The following HELZ variants were observed in gnomAD, a reference collection of about 807,000 sequenced individuals.
HELZ encodes the protein helicase with zinc finger, also known as ATP-dependent RNA helicase with zinc finger domain.
In HELZ, 23 loss-of-function variants were observed where a neutral mutation model predicts 218.2. The ratio of observed to expected loss-of-function variants is 0.11; its 90% CI spans 0.08 to 0.15. The LOEUF (loss-of-function observed/expected upper bound fraction) is 0.15. Ranked by LOEUF, HELZ falls within the 10% of genes least tolerant of loss-of-function variation. The pLI, the probability that HELZ is intolerant of heterozygous loss-of-function variation, is 1.00. For missense variants in HELZ, 1,813 were observed against 2,353.7 expected (o/e 0.77, Z 4.75); for synonymous variants, 814 against 829.4 (o/e 0.98, Z 0.32).
Position 67,077,668 on chromosome 17 carries a change from A to G in HELZ, c.*584T>C, listed in dbSNP as rs1326483143. ...TGGTGGATGGAGATTACAACAACACATCATACATAGTCTAAAACTATAAAA... is the reference window on the plus strand; with the variant it reads ...TGGTGGATGGAGATTACAACAACACGTCATACATAGTCTAAAACTATAAAA... On this transcript the variant is annotated 3_prime_UTR_variant, in exon 33 of 33. Coordinates refer to ENST00000358691, the MANE Select transcript of HELZ (RefSeq NM_014877.4). 1.3e-5 allele frequency: 2 copies of G among 151,788 alleles called. No individual in the cohort carries two copies. Among genetic ancestry groups the G allele is most frequent in the Non-Finnish European group, 2.9e-5 (2 of 67,966 alleles). The allele number at this position is 151,788 out of a possible 1,614,324, so 9.4% of individuals were successfully genotyped here.
chr17:67,098,015 A>T (rs2036801814), intron 31 of HELZ, among the ~76,000 whole-genome samples: 1 of 152,206 alleles, frequency 6.6e-6, no homozygotes, highest in Non-Finnish European at 1.5e-5. Context: ...CAATTCAAGA[A>T]ATCAAGAATT....
At chr17:67,163,984 T>C (rs774142567) in intron 15 of HELZ, among the ~76,000 whole-genome samples, 8 of 152,344 alleles carry the variant, frequency 5.3e-5, no homozygotes, top group South Asian at 2.1e-4. Context: ...CTACATCATA[T>C]ACAATGTAAT....
intron 3 of HELZ, among the ~76,000 whole-genome samples, chr17:67,219,815 A>C (rs2040697399): frequency 6.6e-6 from 1 of 152,236 alleles, no homozygotes; most frequent in Non-Finnish European, 1.5e-5. Flanking sequence ...AGAAATGGCA[A>C]ACATTGCCAT....
intron 22 of HELZ, 36 bp downstream of exon 22, chr17:67,137,895 A>C: frequency 4.7e-6 from 7 of 1,499,736 alleles, no homozygotes; most frequent in Non-Finnish European, 6.4e-6. Flanking sequence ...AGATTTAAGC[A>C]TTTGAATGAC....
At position 67,077,155 on chromosome 17, in the gene HELZ, T is replaced by C. The variant is rs78689677; in HGVS notation, c.*1097A>G. The C allele has an allele frequency of 9.2e-5, 14 of 152,752 alleles. No homozygotes were observed. In the East Asian group the frequency reaches 2.5e-3, roughly 27 times the overall value. The allele number at this position is 152,752 out of a possible 1,614,324, so 9.5% of individuals were successfully genotyped here. Reference sequence around the variant, plus strand: ...GTTTTCTGCCCCAGATTCTGATGAATTTTGATACATTTTTGACAAACATTA... The same window carrying C: ...GTTTTCTGCCCCAGATTCTGATGAACTTTGATACATTTTTGACAAACATTA... On this transcript the variant is annotated 3_prime_UTR_variant, in exon 33 of 33. Transcript: ENST00000358691.
At chr17:67,118,873 C>T (rs555897437) in intron 27 of HELZ, among the ~76,000 whole-genome samples, 1 of 152,028 alleles carries the variant, frequency 6.6e-6, no homozygotes, top group East Asian at 1.9e-4. Flanking sequence ...AAGATACACA[C>T]ATGGCAAATA....
intron 27 of HELZ, among the ~76,000 whole-genome samples, chr17:67,116,786 T>C (rs765577580): frequency 2.0e-5 from 3 of 152,150 alleles, no homozygotes; most frequent in Admixed American, 1.3e-4. Context: ...CAGTAATTGA[T>C]AGAAAGAGTA....
intron 3 of HELZ, among the ~76,000 whole-genome samples, chr17:67,220,824 A>C (rs369822028): frequency 6.0e-5 from 9 of 149,958 alleles, no homozygotes; most frequent in Non-Finnish European, 1.3e-4. Flanking sequence ...AAAAAGAAGA[A>C]ATTTAATTGT....
intron 15 of HELZ, among the ~76,000 whole-genome samples, chr17:67,163,342 A>G (rs2039043364): frequency 6.6e-6 from 1 of 152,222 alleles, no homozygotes; most frequent in Admixed American, 6.5e-5. Context: ...ACATTTATAG[A>G]AAGCCAATGA....
chr17:67,107,835 CACTCAATAG>C, intron 30 of HELZ, 150 bp from the exon 31 acceptor site: 1 of 673,842 alleles, frequency 1.5e-6, no homozygotes, highest in Non-Finnish European at 2.5e-6. Flanking sequence ...TAAGCATTAA[CACTCAATAG>C]ATGCTGAGGT....
intron 5 of HELZ, among the ~76,000 whole-genome samples, chr17:67,206,846 G>T (rs940580172): frequency 4.6e-5 from 7 of 151,664 alleles, no homozygotes; most frequent in Non-Finnish European, 8.8e-5. Flanking sequence ...TGATCCACCC[G>T]CCTCAGCCTC....
intron 31 of HELZ, among the ~76,000 whole-genome samples, chr17:67,097,220 TAAAG>T (rs1408123270): frequency 2.6e-5 from 4 of 152,018 alleles, no homozygotes; most frequent in African/African-American, 7.3e-5. Flanking sequence ...TCACAACAGA[TAAAG>T]AAATAATGAA....
intron 9 of HELZ, among the ~76,000 whole-genome samples, chr17:67,190,673 G>A (rs1268489749): frequency 1.3e-5 from 2 of 152,086 alleles, no homozygotes; most frequent in Non-Finnish European, 2.9e-5. Flanking sequence ...ACTCTTACTA[G>A]ACAATTCCTC....
intron 12 of HELZ, among the ~76,000 whole-genome samples, chr17:67,181,069 A>G (rs1454750179): frequency 6.6e-6 from 1 of 151,998 alleles, no homozygotes; most frequent in Non-Finnish European, 1.5e-5. Flanking sequence ...AAATAAATAA[A>G]TAAATACTAA....
chr17:67,124,635 G>A lies in HELZ; in HGVS notation c.3388-621C>T, dbSNP rs181885410. Among the ~76,000 whole-genome samples the A allele has an allele frequency of 1.4e-3, 207 of 152,216 alleles. 4 individuals carry two copies. Among genetic ancestry groups the A allele is most frequent in the Non-Finnish European group, 1.7e-3 (118 of 68,004 alleles). ...TCAACAGCATCAAAAATGTACATACGTTAACCCAGTAAGTGCACTTCCAGA... is the reference window on the plus strand; with the variant it reads ...TCAACAGCATCAAAAATGTACATACATTAACCCAGTAAGTGCACTTCCAGA... On this transcript the variant is annotated intron_variant, in intron 24 of 32. Transcript: ENST00000358691.
Position 67,201,155 on chromosome 17 carries a change from G to A in HELZ, c.403C>T (p.Leu135=). ...NGMVTKDLTR[L]KTLLSETETA... is the part of the protein sequence containing the mutation. ...TCTGTTTCTGAGAGAAGTGTTTTTAGTCTTGTCAAATCCTTTGTTACCATC... is the reference window on the plus strand; with the variant it reads ...TCTGTTTCTGAGAGAAGTGTTTTTAATCTTGTCAAATCCTTTGTTACCATC... Residue 135 remains leucine (L), a synonymous_variant, in exon 7 of 33, where the codon CTA becomes TTA. Transcript: ENST00000358691. 1 of 1,609,734 alleles carries A rather than the reference G, an allele frequency of 6.2e-7. No individual in the cohort carries two copies. Among genetic ancestry groups the A allele is most frequent in the Non-Finnish European group, 8.5e-7 (1 of 1,176,050 alleles).
At chr17:67,229,567 GACA>G (rs1386645152) in intron 3 of HELZ, among the ~76,000 whole-genome samples, 1 of 152,026 alleles carries the variant, frequency 6.6e-6, no homozygotes, top group African/African-American at 2.4e-5. Context: ...TTATCCCCAT[GACA>G]ACCATTCAAT....
chr17:67,120,316 A>G, intron 27 of HELZ, 89 bp downstream of exon 27: 1 of 1,075,130 alleles, frequency 9.3e-7, no homozygotes, highest in Middle Eastern at 2.5e-4. Flanking sequence ...GAAAAAGTTA[A>G]CAATCATACT....
Position 67,160,959 on chromosome 17 carries a change from C to T in HELZ, c.2013G>A (p.Gly671=). The T allele has an allele frequency of 1.2e-6, 2 of 1,613,758 alleles. No homozygotes were observed. The highest frequency in any genetic ancestry group is 2.2e-5 in the South Asian group (2 of 90,974). The change falls in exon 16 of 33, where the codon GGG becomes GGA. Residue 671 remains glycine (G), a synonymous_variant. Coordinates refer to ENST00000358691, the MANE Select transcript of HELZ (RefSeq NM_014877.4). ...LPPVLIIGPY[G]TGKTFTLAQA... ...GAGCTAGAGTGAACGTTTTGCCTGTCCCATAGGGTCCGATGATAAGCACAG... is the reference window on the plus strand; with the variant it reads ...GAGCTAGAGTGAACGTTTTGCCTGTTCCATAGGGTCCGATGATAAGCACAG...
Sources: gnomAD v4.1 joint callset for allele counts (sites outside exome capture counted in the v4.1 genomes callset) on GRCh38, gnomAD v4.1.1 for gene constraint, MANE v1.5 for transcripts, NCBI Gene and HGNC (gene_info 2026-07-23, HGNC 2026-07-21) for gene names.